Variants in TMC5 observed in about 807,000 individuals in gnomAD.
TMC5 encodes transmembrane channel-like protein 5.
In TMC5, 86 loss-of-function variants were observed where a neutral mutation model predicts 110.5. That is an observed-to-expected ratio of 0.78 (90% CI 0.65 to 0.93). The LOEUF (loss-of-function observed/expected upper bound fraction) is 0.93. Ranked by LOEUF, TMC5 falls within the 40% of genes least tolerant of loss-of-function variation. The pLI is 0.00. For missense variants in TMC5, 1,144 were observed against 1,222.8 expected (o/e 0.94, Z 0.96); for synonymous variants, 455 against 439.5 (o/e 1.04, Z -0.44).
chr16:19,433,446 G>T (rs1301857070), intron 2 of TMC5, among the ~76,000 whole-genome samples: 1 of 152,134 alleles, frequency 6.6e-6, no homozygotes, highest in East Asian at 1.9e-4. Context: ...TGACCTGGAG[G>T]GGACTCCAGA....
At position 19,441,151 on chromosome 16, in the gene TMC5, T is replaced by G. The variant is rs16971997; in HGVS notation, c.788+325T>G. ...GACCCTGCTACGTAGCCAACAAGGT[T>G]AAGACTTGACGCTCATAAATCCAAA... On this transcript the variant is annotated intron_variant, in intron 3 of 21. Coordinates refer to ENST00000542583, the MANE Select transcript of TMC5 (RefSeq NM_001261841.2). 8.7e-3 allele frequency among the ~76,000 whole-genome samples: 1,331 copies of G among 152,288 alleles called. 18 individuals are homozygous for G. The highest frequency in any genetic ancestry group is 0.03 in the African/African-American group (1,228 of 41,550).
chr16:19,488,687 T>A (rs1968811178), intron 17 of TMC5, among the ~76,000 whole-genome samples: 1 of 152,160 alleles, frequency 6.6e-6, no homozygotes, highest in African/African-American at 2.4e-5. Context: ...TTCACAGCCC[T>A]CCTTGTCTGC....
chr16:19,452,952 C>A (rs1287332939), intron 5 of TMC5, among the ~76,000 whole-genome samples: 1 of 151,320 alleles, frequency 6.6e-6, no homozygotes, highest in Non-Finnish European at 1.5e-5. Context: ...AACATTATAA[C>A]AAGGGCTATG....
intron 1 of TMC5, among the ~76,000 whole-genome samples, chr16:19,425,327 CTTT>C (rs35472194): frequency 0.024 from 3,045 of 124,538 alleles, 47 homozygotes; most frequent in Non-Finnish European, 0.038. Flanking sequence ...GTTGAGTTTG[CTTT>C]TTTTTTTTTT....
At chr16:19,424,941 G>A (rs1227046090) in intron 1 of TMC5, among the ~76,000 whole-genome samples, 2 of 152,284 alleles carry the variant, frequency 1.3e-5, no homozygotes, top group Non-Finnish European at 2.9e-5. Flanking sequence ...TCTTTCTGGT[G>A]AGCAGCCTCC....
At chr16:19,434,071 AT>A (rs61498347) in intron 2 of TMC5, among the ~76,000 whole-genome samples, 5 of 15,408 alleles carry the variant, frequency 3.2e-4, no homozygotes, top group African/African-American at 9.0e-4. Flanking sequence ...ATCTATATAT[AT>A]TATATATAAT....
intron 20 of TMC5, among the ~76,000 whole-genome samples, chr16:19,495,011 C>CTTTTTTTTTTTTT: frequency 2.7e-4 from 11 of 40,488 alleles, no homozygotes; most frequent in African/African-American, 9.3e-4. Flanking sequence ...AGTGTCTATT[C>CTTTTTTTTTTTTT]TTTTTTTTTT....
chr16:19,439,166 C>G (rs1967423262), intron 2 of TMC5, among the ~76,000 whole-genome samples: 1 of 152,202 alleles, frequency 6.6e-6, no homozygotes, highest in Admixed American at 6.5e-5. Context: ...TTAGGCCAAA[C>G]TTAAAATATG....
Position 19,443,988 on chromosome 16 carries a change from C to A in TMC5, c.789-93C>A, listed in dbSNP as rs1476942473. 5 of 1,212,254 alleles carry A rather than the reference C, an allele frequency of 4.1e-6. No individual in the cohort carries two copies. The Admixed American group carries it at 8.8e-5, about 21-fold the overall frequency. 75.1% of individuals were successfully genotyped at this position (1,212,254 alleles called of 1,614,324 possible). ...GGATGGATAAATAAATGGATGAATA[C>A]ATGATTGAATGGATGGATGGATGGA... On this transcript the variant is annotated intron_variant, in intron 3 of 21. Coordinates refer to ENST00000542583, the MANE Select transcript of TMC5 (RefSeq NM_001261841.2).
chr16:19,412,815 G>A (rs1165292382), intron 1 of TMC5, among the ~76,000 whole-genome samples: 1 of 152,160 alleles, frequency 6.6e-6, no homozygotes, highest in Non-Finnish European at 1.5e-5. Context: ...CATCCATAAA[G>A]CACTTTTTCC....
chr16:19,493,885 T>C (rs1968981798), intron 19 of TMC5, among the ~76,000 whole-genome samples: 1 of 2,830 alleles, frequency 3.5e-4, no homozygotes, highest in South Asian at 0.015. Flanking sequence ...ACATATATCT[T>C]TTTTTTTTGT....
chr16:19,479,135 G>A (rs922049266), intron 13 of TMC5, among the ~76,000 whole-genome samples: 3 of 152,212 alleles, frequency 2.0e-5, no homozygotes, highest in Non-Finnish European at 4.4e-5. Context: ...GGGATCCAGA[G>A]GGGATAGGGC....
upstream of TMC5, among the ~76,000 whole-genome samples, chr16:19,415,282 G>C (rs1007114687): frequency 1.3e-5 from 2 of 152,212 alleles, no homozygotes; most frequent in Admixed American, 1.3e-4. Context: ...TGATTTCCTT[G>C]TCCCACGCAA....
intron 2 of TMC5, among the ~76,000 whole-genome samples, chr16:19,436,469 A>G (rs1967352978): frequency 6.6e-6 from 1 of 152,206 alleles, no homozygotes; most frequent in Non-Finnish European, 1.5e-5. Flanking sequence ...TTTCTGGAGC[A>G]TAAATGTAAC....
intron 19 of TMC5, among the ~76,000 whole-genome samples, chr16:19,493,136 T>G (rs1255568876): frequency 6.6e-6 from 1 of 151,032 alleles, no homozygotes; most frequent in South Asian, 2.1e-4. Flanking sequence ...TAATTTTGTA[T>G]TTTTAGTAGA....
chr16:19,461,053 A>G (rs1023513351), intron 6 of TMC5, among the ~76,000 whole-genome samples: 1 of 152,222 alleles, frequency 6.6e-6, no homozygotes, highest in Non-Finnish European at 1.5e-5. Context: ...ATCCTGGACG[A>G]GATCCTGGAA....
chr16:19,464,161 T>G (rs1325337477), intron 8 of TMC5, 137 bp downstream of exon 8: 10 of 1,120,476 alleles, frequency 8.9e-6, no homozygotes, highest in Non-Finnish European at 1.2e-5. Context: ...TTGAAATGTT[T>G]TCCTGGCTGA....
intron 5 of TMC5, chr16:19,456,774 G>C: frequency 6.2e-7 from 1 of 1,614,078 alleles, no homozygotes; most frequent in South Asian, 1.1e-5. Context: ...GGGGTCCAAA[G>C]CCACCCATCC....
chr16:19,491,623 C>T (rs1366064964), intron 18 of TMC5, among the ~76,000 whole-genome samples: 1 of 151,246 alleles, frequency 6.6e-6, no homozygotes, highest in Admixed American at 6.6e-5. Flanking sequence ...GCAAGTTCCG[C>T]CTCCTGGGTT....
Sources: allele counts gnomAD v4.1 joint callset (sites outside exome capture counted in the v4.1 genomes callset), GRCh38; gene constraint gnomAD v4.1.1; transcripts MANE v1.5; gene names NCBI Gene and HGNC (gene_info 2026-07-23, HGNC 2026-07-21).